PRKCB: variants seen among roughly 807,000 people sequenced by gnomAD.
PRKCB encodes the protein protein kinase C beta.
In PRKCB, 13 loss-of-function variants were observed where a neutral mutation model predicts 81.5. The observed-to-expected ratio is 0.16, with a 90% CI of 0.10 to 0.25. The LOEUF (loss-of-function observed/expected upper bound fraction) is 0.25, where lower values mean the gene tolerates loss of function less well. Among genes scored for constraint, PRKCB ranks in the 10% least tolerant of loss-of-function variants. PRKCB has a pLI of 1.00. For missense variants in PRKCB, 509 were observed against 875.7 expected (o/e 0.58, Z 5.29); for synonymous variants, 335 against 321.4 (o/e 1.04, Z -0.45).
intron 9 of PRKCB, among the ~76,000 whole-genome samples, chr16:24,145,064 G>A (rs1247027945): frequency 6.6e-6 from 1 of 152,214 alleles, no homozygotes; most frequent in Non-Finnish European, 1.5e-5. Flanking sequence ...GTGGTAGGGA[G>A]GGTGTTGGTG....
intron 9 of PRKCB, among the ~76,000 whole-genome samples, chr16:24,125,197 A>AT (rs1292347755): frequency 6.6e-6 from 1 of 152,116 alleles, no homozygotes; most frequent in Non-Finnish European, 1.5e-5. Context: ...AGCCGTAATA[A>AT]TTTTTTAAAG....
intron 10 of PRKCB, among the ~76,000 whole-genome samples, chr16:24,159,266 G>A (rs879604495): frequency 3.3e-5 from 5 of 152,228 alleles, no homozygotes; most frequent in Admixed American, 6.5e-5. Flanking sequence ...GCAGGTGAAA[G>A]GATTGAGAAT....
chr16:24,216,700 G>T lies in PRKCB; in HGVS notation c.*1884G>T. 9.1e-6 allele frequency: 9 copies of T among 985,484 alleles called. No individual in the cohort carries two copies. Among genetic ancestry groups the T allele is most frequent in the Non-Finnish European group, 1.1e-5 (9 of 829,970 alleles). 61.0% of individuals were successfully genotyped at this position (985,484 alleles called of 1,614,324 possible). Reference sequence around the variant, plus strand: ...GACCGTCCCTGCTGTCCCCACTGTGGTGGCAATCAGGACCTAAGGTGAAGC... The same window carrying T: ...GACCGTCCCTGCTGTCCCCACTGTGTTGGCAATCAGGACCTAAGGTGAAGC... On this transcript the variant is annotated 3_prime_UTR_variant, in exon 17 of 17. Coordinates refer to ENST00000643927, the MANE Select transcript of PRKCB (RefSeq NM_002738.7).
At chr16:24,029,874 G>A (rs1451972970) in intron 3 of PRKCB, among the ~76,000 whole-genome samples, 1 of 152,166 alleles carries the variant, frequency 6.6e-6, no homozygotes, top group African/African-American at 2.4e-5. Flanking sequence ...TAAGGCCCAT[G>A]TTATTAACTT....
intron 10 of PRKCB, among the ~76,000 whole-genome samples, chr16:24,160,726 G>T (rs1596575421): frequency 6.6e-6 from 1 of 152,254 alleles, no homozygotes; most frequent in Middle Eastern, 3.4e-3. Context: ...AAAGTAAAGA[G>T]GATGGAGATG....
At chr16:23,976,744 A>G (rs943401928) in intron 2 of PRKCB, among the ~76,000 whole-genome samples, 3 of 152,114 alleles carry the variant, frequency 2.0e-5, no homozygotes, top group Non-Finnish European at 4.4e-5. Context: ...TGCTCTCTGC[A>G]TCTTTGGGGG....
At chr16:24,094,445 G>A in intron 7 of PRKCB, 148 bp downstream of exon 7, 1 of 1,130,392 alleles carries the variant, frequency 8.8e-7, no homozygotes, top group Non-Finnish European at 1.2e-6. Context: ...TTGCAGATAT[G>A]TTTTGTTTGG....
chr16:23,854,058 A>G (rs148635806), intron 2 of PRKCB, among the ~76,000 whole-genome samples: 2,033 of 150,014 alleles, frequency 0.014, 48 homozygotes, highest in African/African-American at 0.046. Flanking sequence ...CTTATTCACT[A>G]TCACGAGAAC....
At position 24,217,538 on chromosome 16, in the gene PRKCB, C is replaced by G. The variant is rs1968247600; in HGVS notation, c.*2722C>G. On this transcript the variant is annotated 3_prime_UTR_variant, in exon 17 of 17. Transcript: ENST00000643927. ...ATCTCAACAGAGAAGCTTATTCTCT[C>G]CCAACTTCTACGGTAAAATCCAGGA... 1 of 985,332 alleles carries G rather than the reference C, an allele frequency of 1.0e-6. No individual in the cohort carries two copies. The highest frequency in any genetic ancestry group is 1.2e-6 in the Non-Finnish European group (1 of 829,960). 61.0% of individuals were successfully genotyped at this position (985,332 alleles called of 1,614,324 possible).
At chr16:23,997,862 G>C (rs907689277) in intron 3 of PRKCB, among the ~76,000 whole-genome samples, 3 of 152,142 alleles carry the variant, frequency 2.0e-5, no homozygotes, top group Non-Finnish European at 2.9e-5. Context: ...TATTTAAGAA[G>C]GTGTGTATGG....
At chr16:24,095,505 A>G (rs1033422114) in intron 7 of PRKCB, among the ~76,000 whole-genome samples, 32 of 152,182 alleles carry the variant, frequency 2.1e-4, no homozygotes, top group African/African-American at 7.2e-4. Flanking sequence ...TCAAAAGGCC[A>G]ATCTCAAGTT....
At chr16:24,115,624 A>G (rs1229139965) in intron 8 of PRKCB, among the ~76,000 whole-genome samples, 1 of 151,370 alleles carries the variant, frequency 6.6e-6, no homozygotes, top group African/African-American at 2.4e-5. Context: ...TCCCAAGAGC[A>G]TTTACCCAAG....
chr16:23,945,723 AAAAAAG>A lies in PRKCB; in HGVS notation c.206-42762_206-42757del, dbSNP rs55928068. On this transcript the variant is annotated intron_variant, in intron 2 of 16. Transcript: ENST00000643927. Reference sequence around the variant, plus strand: ...AATGTTTAGTAGTTGGCTCTCTGGTAAAAAAGAAAAAGAAAAAGAAAAAGAAAACAA... The same window carrying A: ...AATGTTTAGTAGTTGGCTCTCTGGTAAAAAAGAAAAAGAAAAAGAAAACAA... Among the ~76,000 whole-genome samples, 253 of 149,866 alleles carry A rather than the reference AAAAAAG, an allele frequency of 1.7e-3. 1 individual carries two copies. Among genetic ancestry groups the A allele is most frequent in the Admixed American group, 3.5e-3 (53 of 15,070 alleles).
intron 2 of PRKCB, among the ~76,000 whole-genome samples, chr16:23,891,455 T>C (rs143455105): frequency 6.6e-6 from 1 of 152,320 alleles, no homozygotes; most frequent in East Asian, 1.9e-4. Context: ...TGCATCTGTG[T>C]TCAATTTTTC....
intron 2 of PRKCB, among the ~76,000 whole-genome samples, chr16:23,901,508 G>A (rs1046014183): frequency 6.6e-6 from 1 of 152,198 alleles, no homozygotes; most frequent in Non-Finnish European, 1.5e-5. Context: ...TAGATGGATA[G>A]ATGAGGGAAT....
At chr16:23,857,083 C>T (rs1962579949) in intron 2 of PRKCB, among the ~76,000 whole-genome samples, 1 of 152,088 alleles carries the variant, frequency 6.6e-6, no homozygotes. Flanking sequence ...CACCATGTCC[C>T]AAGATAATTT....
intron 2 of PRKCB, among the ~76,000 whole-genome samples, chr16:23,945,752 CA>C (rs1964197878): frequency 9.5e-6 from 1 of 105,382 alleles, no homozygotes; most frequent in African/African-American, 3.5e-5. Context: ...AAAAAGAAAA[CA>C]AAAACAAAAC....
chr16:24,148,143 G>A (rs956591399), intron 9 of PRKCB, among the ~76,000 whole-genome samples: 1 of 152,178 alleles, frequency 6.6e-6, no homozygotes, highest in Non-Finnish European at 1.5e-5. Context: ...GATCCAGATC[G>A]TTTAATCCTA....
At chr16:23,962,894 C>T (rs1964444759) in intron 2 of PRKCB, 1 of 152,130 alleles carries the variant, frequency 6.6e-6, no homozygotes, top group Non-Finnish European at 1.5e-5. Context: ...TTATTCTTCA[C>T]CCCCTCCCAC....
Sources: allele counts gnomAD v4.1 joint callset (sites outside exome capture counted in the v4.1 genomes callset), GRCh38; gene constraint gnomAD v4.1.1; transcripts MANE v1.5; gene names NCBI Gene and HGNC (gene_info 2026-07-23, HGNC 2026-07-21).